Variants in DBX2 observed in about 807,000 individuals in gnomAD.
DBX2 encodes the protein developing brain homeobox 2, also known as homeobox protein DBX2.
A neutral mutation model predicts 17.7 loss-of-function variants in DBX2; 16 were observed. That is an observed-to-expected ratio of 0.90 (90% CI 0.61 to 1.37). The LOEUF (loss-of-function observed/expected upper bound fraction) is 1.37, where lower values mean the gene tolerates loss of function less well. DBX2 is among the 40% of genes most tolerant of loss of function. DBX2 has a pLI of 0.00. For synonymous variants in DBX2, 255 were observed against 183.8 expected (o/e 1.39, Z -3.13); for missense variants, 538 against 433.8 (o/e 1.24, Z -2.13).
intron 1 of DBX2, among the ~76,000 whole-genome samples, chr12:45,037,469 G>T (rs1036809298): frequency 1.3e-5 from 2 of 152,100 alleles, no homozygotes; most frequent in African/African-American, 4.8e-5. Context: ...TCCTTCCCCT[G>T]CTTCCTGACC....
At chr12:45,050,476 G>C in intron 1 of DBX2, 49 bp downstream of exon 1, 1 of 1,539,726 alleles carries the variant, frequency 6.5e-7, no homozygotes. Flanking sequence ...TGGACCACCC[G>C]GCCTGGGGGC....
chr12:45,033,067 C>T (rs1946418512), intron 2 of DBX2, among the ~76,000 whole-genome samples: 1 of 152,086 alleles, frequency 6.6e-6, no homozygotes, highest in Non-Finnish European at 1.5e-5. Context: ...GCTTAAATAG[C>T]CTATTAAACT....
chr12:45,036,172 C>A (rs1045274366), intron 1 of DBX2, 58 bp from the exon 2 acceptor site: 2 of 1,430,078 alleles, frequency 1.4e-6, no homozygotes, highest in African/African-American at 1.4e-5. Flanking sequence ...ATATTCAAAA[C>A]TCCAGTTTCC....
rs1003161931 is a variant in DBX2 at position 45,026,581 on chromosome 12, T to G, written c.500-2687A>C. On this transcript the variant is annotated intron_variant, in intron 2 of 3. Transcript: ENST00000332700. Reference sequence around the variant, plus strand: ...CAAATGTACTAACCCTACACAATACTGGCATAAACTGATTTGTATTTTAGA... The same window carrying G: ...CAAATGTACTAACCCTACACAATACGGGCATAAACTGATTTGTATTTTAGA... Among the ~76,000 whole-genome samples the G allele has an allele frequency of 2.6e-5, 4 of 152,212 alleles. No individual in the cohort carries two copies. In the South Asian group the frequency reaches 8.3e-4, roughly 32 times the overall value.
intron 1 of DBX2, among the ~76,000 whole-genome samples, chr12:45,044,016 C>CA (rs1946485821): frequency 6.6e-6 from 1 of 152,192 alleles, no homozygotes. Flanking sequence ...CAGGAATGCT[C>CA]AGAGAGCTAT....
intron 3 of DBX2, among the ~76,000 whole-genome samples, chr12:45,019,265 G>T (rs1946338829): frequency 6.6e-6 from 1 of 151,940 alleles, no homozygotes; most frequent in African/African-American, 2.4e-5. Context: ...AACAGCCAAA[G>T]TATTGCTACA....
Position 45,050,623 on chromosome 12 carries a change from C to T in DBX2, c.305G>A (p.Arg102Gln), listed in dbSNP as rs377646614. 2.6e-6 allele frequency: 4 copies of T among 1,550,176 alleles called. No homozygotes were observed. The African/African-American group carries it at 4.1e-5, about 16-fold the overall frequency. The stretch of plus-strand genomic sequence containing the variant: ...GGGACTGAGCACTTGAAAAGCCCAC[C>T]GCGTTCCGTAGGGCGCCCCGGCGGG... ...VSPAGAPYGT[R>Q]WAFQVLSPSA... Residue 102 changes from arginine (R) to glutamine (Q), a missense_variant, in exon 1 of 4, where the codon CGG becomes CAG. Physicochemically the swap from Arg to Gln is conservative, Grantham distance 43. Coordinates refer to ENST00000332700, the MANE Select transcript of DBX2 (RefSeq NM_001004329.3).
chr12:45,027,573 A>G (rs1480451603), intron 2 of DBX2, among the ~76,000 whole-genome samples: 1 of 152,238 alleles, frequency 6.6e-6, no homozygotes, highest in African/African-American at 2.4e-5. Context: ...GACGATGAAG[A>G]TTAGGCAGCA....
intron 1 of DBX2, among the ~76,000 whole-genome samples, chr12:45,040,284 G>A (rs2137029726): frequency 6.6e-6 from 1 of 152,124 alleles, no homozygotes; most frequent in South Asian, 2.1e-4. Context: ...TTCAGTTATG[G>A]GACTCGAACT....
intron 1 of DBX2, among the ~76,000 whole-genome samples, chr12:45,046,145 A>C (rs528910550): frequency 6.6e-6 from 1 of 152,244 alleles, no homozygotes; most frequent in African/African-American, 2.4e-5. Context: ...AGTCTCTTTT[A>C]TTTTATCCAC....
At chr12:45,045,996 C>T (rs56312730) in intron 1 of DBX2, among the ~76,000 whole-genome samples, 9,203 of 152,158 alleles carry the variant, frequency 0.06, 381 homozygotes, top group Non-Finnish European at 0.092. Context: ...TTCTTATTTG[C>T]CTGCTCCATG....
chr12:45,050,560 C>A lies in DBX2; in HGVS notation c.368G>T (p.Gly123Val), dbSNP rs377508330. Residue 123 changes from glycine to valine, a missense_variant, in exon 1 of 4, where the codon GGG becomes GTG. Coordinates refer to ENST00000332700, the MANE Select transcript of DBX2 (RefSeq NM_001004329.3). ...DSARLPGRAP[G>V]DRDCTFQPSA... ...AGGCTGGAAGGTACAGTCTCGGTCC[C>A]CCGGAGCCCGGCCCGGCAGCCTCGC... 5.3e-5 allele frequency: 82 copies of A among 1,552,616 alleles called. No individual in the cohort carries two copies. Among genetic ancestry groups the A allele is most frequent in the Admixed American group, 2.9e-4 (15 of 51,358 alleles).
chr12:45,048,894 C>T (rs1238388569), intron 1 of DBX2, among the ~76,000 whole-genome samples: 1 of 152,094 alleles, frequency 6.6e-6, no homozygotes, highest in African/African-American at 2.4e-5. Flanking sequence ...ATTCTTACAA[C>T]CCTCGTAATT....
chr12:45,020,733 T>C (rs1946347656), intron 3 of DBX2, among the ~76,000 whole-genome samples: 1 of 151,118 alleles, frequency 6.6e-6, no homozygotes, highest in African/African-American at 2.4e-5. Flanking sequence ...ACTTGTGAAA[T>C]AGAGGTAGTA....
At chr12:45,022,647 C>T (rs1048013756) in intron 3 of DBX2, among the ~76,000 whole-genome samples, 2 of 152,164 alleles carry the variant, frequency 1.3e-5, no homozygotes, top group Non-Finnish European at 2.9e-5. Context: ...ACCAGGTCAT[C>T]TGTAGTGAGG....
In DBX2 at chr12:45,036,039, G is replaced by C; in HGVS notation, c.479C>G (p.Ala160Gly). Residue 160 changes from alanine to glycine, a missense_variant, in exon 2 of 4, where the codon GCA (alanine) becomes GGA (glycine). By Grantham distance (60) the Ala-to-Gly change is moderately conservative. Coordinates refer to ENST00000332700, the MANE Select transcript of DBX2 (RefSeq NM_001004329.3). ...ACCGGSCRRPASSTAFPREES... is the reference protein window; with the variant it reads ...ACCGGSCRRPGSSTAFPREES... ...CTTACTTGGAAAAGCAGTGGAGGAT[G>C]CAGGGCGCCGACAGGACCCACCGCA... The C allele has an allele frequency of 1.2e-6, 2 of 1,613,526 alleles. No homozygotes were observed. Among genetic ancestry groups the C allele is most frequent in the Non-Finnish European group, 1.7e-6 (2 of 1,179,828 alleles).
At chr12:45,046,009 C>T (rs936348794) in intron 1 of DBX2, among the ~76,000 whole-genome samples, 31 of 152,272 alleles carry the variant, frequency 2.0e-4, no homozygotes, top group African/African-American at 7.2e-4. Context: ...GCTCCATGTA[C>T]TCCTGTTTTA....
At chr12:45,043,468 T>C (rs1946482733) in intron 1 of DBX2, among the ~76,000 whole-genome samples, 1 of 152,184 alleles carries the variant, frequency 6.6e-6, no homozygotes, top group South Asian at 2.1e-4. Flanking sequence ...GTTCTCCCTT[T>C]CAGAATCCAG....
At chr12:45,019,661 T>C (rs754526840) in intron 3 of DBX2, among the ~76,000 whole-genome samples, 17 of 152,022 alleles carry the variant, frequency 1.1e-4, no homozygotes, top group Non-Finnish European at 1.8e-4. Flanking sequence ...ATAGTGAAAA[T>C]TGGAAGTAAC....
Sources: allele counts gnomAD v4.1 joint callset (sites outside exome capture counted in the v4.1 genomes callset), GRCh38; gene constraint gnomAD v4.1.1; transcripts MANE v1.5; gene names NCBI Gene and HGNC (gene_info 2026-07-23, HGNC 2026-07-21).